The following KSR2 variants were observed in gnomAD, a reference collection of about 807,000 sequenced individuals.
KSR2 encodes kinase suppressor of ras 2.
KSR2 carries 25 observed loss-of-function variants against 107.8 expected under a neutral mutation model. That is an observed-to-expected ratio of 0.23 (90% confidence interval 0.17 to 0.32). The LOEUF (loss-of-function observed/expected upper bound fraction) is 0.32. Ranked by LOEUF, KSR2 falls within the 10% of genes least tolerant of loss-of-function variation. The probability of loss-of-function intolerance (pLI) is 1.00; values close to 1 mark genes in which losing one functional copy is unlikely to be tolerated. For synonymous variants in KSR2, 480 were observed against 507.0 expected (o/e 0.95, Z 0.71); for missense variants, 887 against 1,268.9 (o/e 0.70, Z 4.57).
intron 2 of KSR2, among the ~76,000 whole-genome samples, chr12:117,857,709 T>G (rs1258515371): frequency 6.6e-6 from 1 of 152,232 alleles, no homozygotes; most frequent in Non-Finnish European, 1.5e-5. Flanking sequence ...GGCACTTTTA[T>G]CATCACCACT....
chr12:117,861,366 A>G (rs1893282889), intron 1 of KSR2, among the ~76,000 whole-genome samples: 1 of 134,308 alleles, frequency 7.4e-6, no homozygotes, highest in Admixed American at 8.0e-5. Context: ...GTCCACAAGG[A>G]CTCCCAATTC....
At chr12:117,473,190 C>T (rs965867314) in intron 17 of KSR2, among the ~76,000 whole-genome samples, 3 of 152,282 alleles carry the variant, frequency 2.0e-5, no homozygotes, top group East Asian at 1.9e-4. Flanking sequence ...GCCTCCAGAC[C>T]GACCCTGGTG....
chr12:117,504,688 A>G (rs1873569715), intron 14 of KSR2, among the ~76,000 whole-genome samples: 1 of 152,206 alleles, frequency 6.6e-6, no homozygotes, highest in Non-Finnish European at 1.5e-5. Flanking sequence ...GCCACAGTAT[A>G]TACAAAAAGA....
In KSR2 at chr12:117,761,035, C is replaced by G; in HGVS notation, c.962G>C (p.Arg321Pro). Residue 321 changes from arginine to proline, a missense_variant, in exon 4 of 20, where the codon CGC becomes CCC. Around this residue, in one of 8 missense-constraint regions of KSR2, gnomAD observed 399 missense variants for 479.5 expected, o/e 0.83. Transcript: ENST00000339824. Reference sequence around the variant, plus strand: ...CTTGGGCGTGTGGGCCTCGTCCACGCGGTGCCCCAGCTGGAACTCGTGGGA... The same window carrying G: ...CTTGGGCGTGTGGGCCTCGTCCACGGGGTGCCCCAGCTGGAACTCGTGGGA... Reference protein sequence around the residue: ...SKSHEFQLGHRVDEAHTPKAK... With the variant: ...SKSHEFQLGHPVDEAHTPKAK... 1 of 1,613,712 alleles carries G rather than the reference C, an allele frequency of 6.2e-7. No homozygotes were observed. The highest frequency in any genetic ancestry group is 8.5e-7 in the Non-Finnish European group (1 of 1,179,720).
chr12:117,859,059 G>A (rs546520205), intron 2 of KSR2, among the ~76,000 whole-genome samples: 2 of 151,860 alleles, frequency 1.3e-5, no homozygotes, highest in South Asian at 2.1e-4. Context: ...CTTTGAGAGC[G>A]GACATAAGAT....
intron 4 of KSR2, among the ~76,000 whole-genome samples, chr12:117,731,135 T>G (rs1887664171): frequency 7.3e-6 from 1 of 136,788 alleles, no homozygotes; most frequent in Non-Finnish European, 1.6e-5. Context: ...GTCTGGGAGG[T>G]GAGGAGCGTC....
chr12:117,466,411 G>T lies in KSR2; in HGVS notation c.*788C>A, dbSNP rs1218500231. Reference sequence around the variant, plus strand: ...ATCTTGGCTTTCCAAATGGCAAGGAGGTGCGGGCAGTGAGGTGAAAAGGGA... The same window carrying T: ...ATCTTGGCTTTCCAAATGGCAAGGATGTGCGGGCAGTGAGGTGAAAAGGGA... On this transcript the variant is annotated 3_prime_UTR_variant, in exon 20 of 20. Coordinates refer to ENST00000339824, the MANE Select transcript of KSR2 (RefSeq NM_173598.6). 1.3e-5 allele frequency: 2 copies of T among 152,192 alleles called. No homozygotes were observed. The highest frequency in any genetic ancestry group is 4.8e-5 in the African/African-American group (2 of 41,416). 9.4% of individuals were successfully genotyped at this position (152,192 alleles called of 1,614,324 possible).
At chr12:117,484,386 A>C (rs369482495) in intron 16 of KSR2, 30 bp downstream of exon 16, 1 of 1,611,854 alleles carries the variant, frequency 6.2e-7, no homozygotes, top group South Asian at 1.1e-5. Context: ...TCTGTCAGGA[A>C]ACTCTCCGGG....
rs1871018979 is a variant in KSR2, at chr12:117,463,783, A to T, written c.*3416T>A. 2 of 152,402 alleles carry T rather than the reference A, an allele frequency of 1.3e-5. No homozygotes were observed. The highest frequency in any genetic ancestry group is 1.3e-4 in the Admixed American group (2 of 15,288). 9.4% of individuals were successfully genotyped at this position (152,402 alleles called of 1,614,324 possible). On this transcript the variant is annotated 3_prime_UTR_variant, in exon 20 of 20. Transcript: ENST00000339824. ...TGATCAGCTGTAGGTGGGGATGGGA[A>T]TGGTGGAAGGTGAGATAAGGCTGGT...
chr12:117,823,420 C>T (rs1407433115), intron 3 of KSR2, among the ~76,000 whole-genome samples: 3 of 152,024 alleles, frequency 2.0e-5, no homozygotes, highest in South Asian at 2.1e-4. Context: ...ACAAAATGAA[C>T]GTGAGTTGAG....
chr12:117,672,942 T>G (rs1455235602), intron 4 of KSR2, among the ~76,000 whole-genome samples: 1 of 152,234 alleles, frequency 6.6e-6, no homozygotes, highest in Non-Finnish European at 1.5e-5. Context: ...TCCAACAAAC[T>G]TTCAATCCAC....
Position 117,657,577 on chromosome 12 carries a change from T to C in KSR2, c.1171+9897A>G, listed in dbSNP as rs182861213. Among the ~76,000 whole-genome samples, 50 of 152,296 alleles carry C rather than the reference T, an allele frequency of 3.3e-4. 2 individuals carry two copies. Among genetic ancestry groups the C allele is most frequent in the Admixed American group, 2.9e-3 (44 of 15,300 alleles). On this transcript the variant is annotated intron_variant, in intron 5 of 19. Coordinates refer to ENST00000339824, the MANE Select transcript of KSR2 (RefSeq NM_173598.6). ...AGTTTTTCTTGGACACTTGCTTCCC[T>C]AGTCAGTTAAGCAGGAGAAACATCC...
chr12:117,678,358 G>A (rs10850885), intron 4 of KSR2, among the ~76,000 whole-genome samples: 42,270 of 145,272 alleles, frequency 0.29, 7,266 homozygotes, highest in East Asian at 0.45. Context: ...CCCCCACCCC[G>A]CCCCCACCAA....
At chr12:117,727,066 T>C (rs1887458695) in intron 4 of KSR2, among the ~76,000 whole-genome samples, 1 of 152,084 alleles carries the variant, frequency 6.6e-6, no homozygotes, top group Non-Finnish European at 1.5e-5. Flanking sequence ...GCTCTAAATC[T>C]AATGACTGGT....
At chr12:117,511,421 C>A (rs943519941) in intron 14 of KSR2, among the ~76,000 whole-genome samples, 1 of 152,102 alleles carries the variant, frequency 6.6e-6, no homozygotes, top group African/African-American at 2.4e-5. Flanking sequence ...AAAAGAATAA[C>A]CAAACAAAGA....
chr12:117,864,860 T>A (rs1893420810), intron 1 of KSR2, among the ~76,000 whole-genome samples: 1 of 152,190 alleles, frequency 6.6e-6, no homozygotes, highest in South Asian at 2.1e-4. Flanking sequence ...TATTTCCAGA[T>A]AAGGTCATAT....
Position 117,455,684 on chromosome 12 carries a change from G to A in KSR2, c.*11515C>T, listed in dbSNP as rs1011768520. Reference sequence around the variant, plus strand: ...AAGATTTGGGGAATGAAGGGACAAGGTTGCTCCACGCTGGGCTCTGCTGAG... The same window carrying A: ...AAGATTTGGGGAATGAAGGGACAAGATTGCTCCACGCTGGGCTCTGCTGAG... On this transcript the variant is annotated 3_prime_UTR_variant, in exon 20 of 20. Coordinates refer to ENST00000339824, the MANE Select transcript of KSR2 (RefSeq NM_173598.6). 38 of 152,206 alleles carry A rather than the reference G, an allele frequency of 2.5e-4. No individual in the cohort carries two copies. The highest frequency in any genetic ancestry group is 8.9e-4 in the African/African-American group (37 of 41,434). The allele number at this position is 152,206 out of a possible 1,614,324, so 9.4% of individuals were successfully genotyped here. A position where few individuals can be genotyped will look rare whatever the true frequency, so the allele number is the denominator to read the frequency against.
chr12:117,631,514 T>C (rs1882806136), intron 5 of KSR2, among the ~76,000 whole-genome samples: 1 of 152,362 alleles, frequency 6.6e-6, no homozygotes, highest in Non-Finnish European at 1.5e-5. Flanking sequence ...AATCTAGGTC[T>C]TTTATTTCTC....
intron 5 of KSR2, among the ~76,000 whole-genome samples, chr12:117,588,497 T>A (rs977606603): frequency 6.6e-5 from 10 of 152,168 alleles, no homozygotes; most frequent in African/African-American, 2.2e-4. Flanking sequence ...GAGCTCAGGA[T>A]CTGCTCTAAG....
Sources: gnomAD v4.1 joint callset for allele counts (sites outside exome capture counted in the v4.1 genomes callset) on GRCh38, gnomAD v4.1.1 for gene constraint, gnomAD v4.1.1 regional missense constraint, MANE v1.5 for transcripts, NCBI Gene and HGNC (gene_info 2026-07-23, HGNC 2026-07-21) for gene names.